Variants in DLG2 observed in about 807,000 individuals in gnomAD.
The protein encoded by DLG2 is discs large MAGUK scaffold protein 2.
DLG2 carries 45 observed loss-of-function variants against 132.5 expected under a neutral mutation model. The observed-to-expected ratio is 0.34, with a 90% CI of 0.27 to 0.44. The LOEUF (loss-of-function observed/expected upper bound fraction) is 0.44, where lower values mean the gene tolerates loss of function less well. Among genes scored for constraint, DLG2 ranks in the 20% least tolerant of loss-of-function variants. The probability of loss-of-function intolerance (pLI) is 1.00; values close to 1 mark genes in which losing one functional copy is unlikely to be tolerated. For missense variants in DLG2, 1,045 were observed against 1,196.9 expected, an observed-to-expected ratio of 0.87 and a Z score of 1.87; for synonymous variants, 424 against 419.6, an observed-to-expected ratio of 1.01 and a Z score of -0.13.
chr11:85,520,394 A>C (rs2074199949), intron 3 of DLG2, among the ~76,000 whole-genome samples: 1 of 152,168 alleles, frequency 6.6e-6, no homozygotes, highest in South Asian at 2.1e-4. Context: ...TGGAAGAATC[A>C]GTATTGTTAA....
chr11:84,780,152 C>T lies in DLG2; in HGVS notation c.358-245421G>A, dbSNP rs535409835. On this transcript the variant is annotated intron_variant, in intron 6 of 27. Transcript: ENST00000376104. ...AAATCTTTGTTCATTACTAGCAAAC[C>T]CAATCCAACATCACATCAAAAAGAT... Among the ~76,000 whole-genome samples, 9 of 151,938 alleles carry T rather than the reference C, an allele frequency of 5.9e-5. No individual in the cohort carries two copies. The South Asian group carries it at 1.9e-3, about 32-fold the overall frequency.
intron 16 of DLG2, among the ~76,000 whole-genome samples, chr11:83,857,657 G>T (rs1284497224): frequency 1.3e-5 from 2 of 152,124 alleles, no homozygotes; most frequent in Non-Finnish European, 2.9e-5. Flanking sequence ...CACTAAAAGT[G>T]AACGCTAATG....
chr11:84,885,643 A>G (rs1311939014), intron 6 of DLG2, among the ~76,000 whole-genome samples: 2 of 152,136 alleles, frequency 1.3e-5, no homozygotes, highest in African/African-American at 4.8e-5. Flanking sequence ...ATACCTGCAA[A>G]ATGGAGATTA....
intron 6 of DLG2, among the ~76,000 whole-genome samples, chr11:84,602,658 C>G (rs906117862): frequency 1.2e-4 from 18 of 151,880 alleles, no homozygotes; most frequent in African/African-American, 3.4e-4. Context: ...GCTTTTATGT[C>G]CCTTTAAGGA....
chr11:84,678,446 C>T (rs1009859463), intron 6 of DLG2, among the ~76,000 whole-genome samples: 14 of 152,034 alleles, frequency 9.2e-5, no homozygotes, highest in African/African-American at 3.4e-4. Flanking sequence ...TGAATAAGAG[C>T]ATGGAATTTG....
chr11:83,566,051 CCACT>C (rs1373297241), intron 19 of DLG2, among the ~76,000 whole-genome samples: 2 of 152,010 alleles, frequency 1.3e-5, no homozygotes, highest in African/African-American at 2.4e-5. Flanking sequence ...TGGGTTGCAC[CCACT>C]AAGATATTTT....
intron 6 of DLG2, among the ~76,000 whole-genome samples, chr11:84,820,384 T>A (rs746876060): frequency 6.6e-6 from 1 of 151,902 alleles, no homozygotes; most frequent in Non-Finnish European, 1.5e-5. Flanking sequence ...TTCCACTTTA[T>A]CTTCTACATT....
rs999338864 is a variant in DLG2, at chr11:85,539,041, G to T, written c.40+59616C>A. The stretch of plus-strand genomic sequence containing the variant: ...AAAAACACCTTCTCAGATCCACCTT[G>T]TCTGAAAGTAGAGCATTAAGACCTT... On this transcript the variant is annotated intron_variant, in intron 3 of 27. Transcript: ENST00000376104. 4.6e-5 allele frequency among the ~76,000 whole-genome samples: 7 copies of T among 151,824 alleles called. 1 individual carries two copies. The highest frequency in any genetic ancestry group is 1.2e-4 in the African/African-American group (5 of 41,120).
chr11:85,245,017 A>T (rs1169381505), intron 4 of DLG2, among the ~76,000 whole-genome samples: 1 of 151,898 alleles, frequency 6.6e-6, no homozygotes, highest in African/African-American at 2.4e-5. Context: ...AGTTAGGTGG[A>T]ATTATGCTTG....
At chr11:84,052,687 CAAAAAA>C (rs67140653) in intron 11 of DLG2, among the ~76,000 whole-genome samples, 1 of 125,312 alleles carries the variant, frequency 8.0e-6, no homozygotes, top group Non-Finnish European at 1.6e-5. Context: ...ATTAAAAAGT[CAAAAAA>C]AAAAAAAAAA....
In DLG2 at chr11:83,953,180, T is replaced by C. The variant is rs556515502; in HGVS notation, c.1340+9705A>G. Among the ~76,000 whole-genome samples the C allele has an allele frequency of 2.0e-5, 3 of 152,312 alleles. No individual in the cohort carries two copies. In the South Asian group the frequency reaches 6.2e-4, roughly 32 times the overall value. On this transcript the variant is annotated intron_variant, in intron 14 of 27. Transcript: ENST00000376104. ...GGAATGCAATGATTGTATCTCACAA[T>C]TTTCCTATATTTTGTTCAGGTAATT...
At chr11:84,909,708 C>G (rs2091891083) in intron 6 of DLG2, among the ~76,000 whole-genome samples, 1 of 152,142 alleles carries the variant, frequency 6.6e-6, no homozygotes, top group South Asian at 2.1e-4. Flanking sequence ...TACATGGAAA[C>G]AGGATCTCAG....
chr11:85,032,074 A>G (rs974691848), intron 6 of DLG2, among the ~76,000 whole-genome samples: 3 of 146,112 alleles, frequency 2.1e-5, no homozygotes, highest in African/African-American at 7.6e-5. Context: ...AAGTGCTGGG[A>G]TTATAGGCAT....
intron 7 of DLG2, among the ~76,000 whole-genome samples, chr11:84,267,583 C>A (rs1284388180): frequency 6.6e-6 from 1 of 152,168 alleles, no homozygotes; most frequent in Non-Finnish European, 1.5e-5. Context: ...TGTTGTCAGG[C>A]TAAAAGGACA....
At chr11:85,436,049 CA>C (rs986020193) in intron 3 of DLG2, among the ~76,000 whole-genome samples, 1 of 151,842 alleles carries the variant, frequency 6.6e-6, no homozygotes, top group Non-Finnish European at 1.5e-5. Flanking sequence ...CTAAAAAAAA[CA>C]AAAAATGAGT....
chr11:85,270,368 A>C lies in DLG2; in HGVS notation c.186+14852T>G, dbSNP rs1482290569. On this transcript the variant is annotated intron_variant, in intron 4 of 27. Coordinates refer to ENST00000376104, the MANE Select transcript of DLG2 (RefSeq NM_001142699.3). ...TCCACCATGATTGTGATGCCTCCCC[A>C]GCCACATGGAACTGTGAGTCCATTA... Among the ~76,000 whole-genome samples, 3 of 152,216 alleles carry C rather than the reference A, an allele frequency of 2.0e-5. No homozygotes were observed. In the East Asian group the frequency reaches 5.8e-4, roughly 29 times the overall value.
chr11:83,930,656 T>C (rs780559392), intron 14 of DLG2, among the ~76,000 whole-genome samples, 173 bp from the exon 15 acceptor site: 26 of 152,236 alleles, frequency 1.7e-4, no homozygotes, highest in Non-Finnish European at 3.4e-4. Context: ...ATAAAGACTT[T>C]ATTCCTCAGA....
chr11:84,744,215 A>T (rs2065062543), intron 6 of DLG2, among the ~76,000 whole-genome samples: 1 of 152,216 alleles, frequency 6.6e-6, no homozygotes, highest in African/African-American at 2.4e-5. Flanking sequence ...ATGAGCTACT[A>T]AATATATTGA....
In DLG2 at chr11:85,558,008, G is replaced by A. The variant is rs964877853; in HGVS notation, c.40+40649C>T. On this transcript the variant is annotated intron_variant, in intron 3 of 27. Transcript: ENST00000376104. ...CTGCACAGCAAAAGACACTACAACA[G>A]AGTAAACAGACAACCTACAGAATGG... Among the ~76,000 whole-genome samples the A allele has an allele frequency of 2.0e-5, 3 of 151,948 alleles. No homozygotes were observed. In the East Asian group the frequency reaches 5.8e-4, roughly 29 times the overall value.
Sources: allele counts gnomAD v4.1 joint callset (sites outside exome capture counted in the v4.1 genomes callset), GRCh38; gene constraint gnomAD v4.1.1; transcripts MANE v1.5; gene names NCBI Gene and HGNC (gene_info 2026-07-23, HGNC 2026-07-21).